Variants in DPP10 observed in about 807,000 individuals in gnomAD.
The protein encoded by DPP10 is inactive dipeptidyl peptidase 10.
In DPP10, 33 loss-of-function variants were observed where a neutral mutation model predicts 120.9. The ratio of observed to expected loss-of-function variants is 0.27; its 90% CI spans 0.21 to 0.37. The LOEUF (loss-of-function observed/expected upper bound fraction) is 0.37, where lower values mean the gene tolerates loss of function less well. Ranked by LOEUF, DPP10 falls within the 10% of genes least tolerant of loss-of-function variation. The pLI is 1.00. For missense variants in DPP10, 816 were observed against 942.8 expected (o/e 0.87, Z 1.76); for synonymous variants, 337 against 326.1 (o/e 1.03, Z -0.36).
intron 5 of DPP10, among the ~76,000 whole-genome samples, chr2:115,601,889 G>A (rs2083346525): frequency 6.7e-6 from 1 of 149,336 alleles, no homozygotes; most frequent in Admixed American, 6.7e-5. Context: ...CACCATATTA[G>A]CCAAGATGGT....
chr2:115,628,315 C>A (rs1256257288), intron 5 of DPP10, among the ~76,000 whole-genome samples: 2 of 152,086 alleles, frequency 1.3e-5, no homozygotes, highest in African/African-American at 4.8e-5. Flanking sequence ...TAAATGTCTT[C>A]TTTTGAGAAG....
At chr2:115,663,397 T>C (rs924591799) in intron 5 of DPP10, among the ~76,000 whole-genome samples, 2 of 152,194 alleles carry the variant, frequency 1.3e-5, no homozygotes, top group African/African-American at 4.8e-5. Context: ...TTTCATGGTA[T>C]TCGGGTCTGT....
chr2:115,202,615 T>C (rs2055818233), intron 1 of DPP10, among the ~76,000 whole-genome samples: 1 of 152,170 alleles, frequency 6.6e-6, no homozygotes, highest in Admixed American at 6.6e-5. Context: ...TGCATAGCTT[T>C]ACTTGCTTTT....
chr2:115,371,821 A>T (rs2065430531), intron 3 of DPP10, among the ~76,000 whole-genome samples: 1 of 152,168 alleles, frequency 6.6e-6, no homozygotes, highest in Non-Finnish European at 1.5e-5. Context: ...TTCTAATAAG[A>T]AAGAATATCT....
At chr2:115,096,690 A>T (rs1052132706) in intron 1 of DPP10, among the ~76,000 whole-genome samples, 14 of 152,274 alleles carry the variant, frequency 9.2e-5, no homozygotes, top group African/African-American at 3.4e-4. Context: ...TACTAAATGC[A>T]TACACTTTTG....
intron 7 of DPP10, among the ~76,000 whole-genome samples, chr2:115,690,615 G>A (rs374422876): frequency 3.9e-4 from 59 of 152,220 alleles, no homozygotes; most frequent in African/African-American, 1.4e-3. Context: ...GTTTTACCAT[G>A]TTGGCCAGGC....
At chr2:115,443,107 C>G (rs2072232715) in intron 3 of DPP10, among the ~76,000 whole-genome samples, 1 of 152,074 alleles carries the variant, frequency 6.6e-6, no homozygotes, top group Non-Finnish European at 1.5e-5. Context: ...AATAAAAGTC[C>G]TTGCTTTGAT....
At chr2:115,607,459 A>C (rs1468782766) in intron 5 of DPP10, among the ~76,000 whole-genome samples, 1 of 152,186 alleles carries the variant, frequency 6.6e-6, no homozygotes, top group African/African-American at 2.4e-5. Context: ...TGAGCGTTTT[A>C]GTTATTTTTA....
intron 5 of DPP10, among the ~76,000 whole-genome samples, chr2:115,568,815 C>T (rs1339193869): frequency 6.6e-6 from 1 of 152,158 alleles, no homozygotes; most frequent in African/African-American, 2.4e-5. Flanking sequence ...ACCTAAAATA[C>T]ACTTTTTAAG....
chr2:115,488,896 AAAAAT>A (rs2075929156), intron 3 of DPP10, among the ~76,000 whole-genome samples: 1 of 147,314 alleles, frequency 6.8e-6, no homozygotes, highest in South Asian at 2.2e-4. Flanking sequence ...AAAAAAAAAA[AAAAAT>A]ATGTATCTCT....
intron 1 of DPP10, among the ~76,000 whole-genome samples, chr2:114,489,469 A>T (rs1159734125): frequency 6.6e-6 from 1 of 152,222 alleles, no homozygotes; most frequent in Admixed American, 6.5e-5. Context: ...TACCAAGCAC[A>T]TGGAAAGGGA....
chr2:115,288,660 T>C (rs2060506418), intron 1 of DPP10, among the ~76,000 whole-genome samples: 1 of 152,052 alleles, frequency 6.6e-6, no homozygotes, highest in South Asian at 2.1e-4. Context: ...GAAACGAGGT[T>C]GCAGTGAGCT....
intron 1 of DPP10, among the ~76,000 whole-genome samples, chr2:115,088,448 T>C (rs972695140): frequency 6.6e-6 from 1 of 152,100 alleles, no homozygotes; most frequent in African/African-American, 2.4e-5. Flanking sequence ...TTTTCTTTTA[T>C]TTTCTCCTTT....
rs370311206 is a variant in DPP10, at chr2:115,395,736, C to A, written c.271+51824C>A. Among the ~76,000 whole-genome samples the A allele has an allele frequency of 3.3e-5, 5 of 152,020 alleles. No homozygotes were observed. The East Asian group carries it at 7.7e-4, about 24-fold the overall frequency. On this transcript the variant is annotated intron_variant, in intron 3 of 25. Coordinates refer to ENST00000410059, the MANE Select transcript of DPP10 (RefSeq NM_020868.6). ...ATGAAACTCATAGCAAGTCAATACA[C>A]CATTTTCCACTTAAATTTGCATTAT...
At chr2:115,558,271 T>C (rs1252693688) in intron 5 of DPP10, among the ~76,000 whole-genome samples, 1 of 152,144 alleles carries the variant, frequency 6.6e-6, no homozygotes, top group Non-Finnish European at 1.5e-5. Context: ...GTAATGCTTT[T>C]CCATGTGCCA....
intron 1 of DPP10, among the ~76,000 whole-genome samples, chr2:115,026,108 C>T (rs571381615): frequency 6.6e-6 from 1 of 152,200 alleles, no homozygotes; most frequent in East Asian, 1.9e-4. Flanking sequence ...GAAAAATATA[C>T]TAGAACATTT....
At chr2:114,673,667 G>A (rs1018085653) in intron 1 of DPP10, among the ~76,000 whole-genome samples, 1 of 152,044 alleles carries the variant, frequency 6.6e-6, no homozygotes, top group African/African-American at 2.4e-5. Context: ...TGTTGGCCAG[G>A]CTGGTCTCAA....
At chr2:115,400,932 C>T (rs1452807607) in intron 3 of DPP10, among the ~76,000 whole-genome samples, 2 of 152,138 alleles carry the variant, frequency 1.3e-5, no homozygotes, top group Non-Finnish European at 2.9e-5. Context: ...CAAGTGAAAA[C>T]CTATGGCTTT....
intron 1 of DPP10, among the ~76,000 whole-genome samples, chr2:114,595,629 C>A (rs945603610): frequency 1.3e-5 from 2 of 152,066 alleles, no homozygotes; most frequent in Admixed American, 6.6e-5. Context: ...CCCATATAGT[C>A]TGAGGTGGAG....
Sources: gnomAD v4.1 joint callset for allele counts (sites outside exome capture counted in the v4.1 genomes callset) on GRCh38, gnomAD v4.1.1 for gene constraint, MANE v1.5 for transcripts, NCBI Gene and HGNC (gene_info 2026-07-23, HGNC 2026-07-21) for gene names.